PYGB: variants seen among roughly 807,000 people sequenced by gnomAD.
The protein encoded by PYGB is glycogen phosphorylase B.
In PYGB, 82 loss-of-function variants were observed where a neutral mutation model predicts 94.3. The observed-to-expected ratio is 0.87, with a 90% CI of 0.73 to 1.04. The LOEUF is 1.04. Among genes scored for constraint, PYGB ranks in the 50% least tolerant of loss-of-function variants. The pLI, the probability that PYGB is intolerant of heterozygous loss-of-function variation, is 0.00. For missense variants in PYGB, 1,132 were observed against 1,158.2 expected (o/e 0.98, Z 0.33); for synonymous variants, 488 against 479.1 (o/e 1.02, Z -0.24).
At chr20:25,270,322 C>T (rs2088256485) in intron 3 of PYGB, among the ~76,000 whole-genome samples, 1 of 151,754 alleles carries the variant, frequency 6.6e-6, no homozygotes, top group African/African-American at 2.4e-5. Flanking sequence ...CTGCCTCAGC[C>T]TCCCCAAGTA....
chr20:25,288,249 T>G (rs573895798), intron 14 of PYGB, 176 bp from the exon 15 acceptor site: 5 of 744,078 alleles, frequency 6.7e-6, no homozygotes, highest in Admixed American at 2.0e-5. Context: ...TCCTGGTGGG[T>G]GGGCAGGTGG....
intron 2 of PYGB, among the ~76,000 whole-genome samples, chr20:25,268,472 C>T (rs1474001262): frequency 2.0e-5 from 3 of 151,000 alleles, no homozygotes; most frequent in Non-Finnish European, 4.4e-5. Flanking sequence ...CATATGTATA[C>T]TTTAAAAAGG....
intron 1 of PYGB, among the ~76,000 whole-genome samples, chr20:25,250,191 A>G (rs2092883661): frequency 6.6e-6 from 1 of 152,206 alleles, no homozygotes; most frequent in African/African-American, 2.4e-5. Context: ...TGGCAAGGAC[A>G]TAGCTCTGCC....
chr20:25,249,702 T>C (rs955668511), intron 1 of PYGB, among the ~76,000 whole-genome samples: 9 of 152,224 alleles, frequency 5.9e-5, no homozygotes, highest in African/African-American at 2.2e-4. Context: ...GGGCTCTTCA[T>C]ATTTGGTATG....
At position 25,280,968 on chromosome 20, in the gene PYGB, C is replaced by T. The variant is rs202182105; in HGVS notation, c.1259C>T (p.Pro420Leu). The change falls in exon 11 of 20, where the codon CCC becomes CTC. Residue 420 changes from proline (P) to leucine (L), a missense_variant. Coordinates refer to ENST00000216962, the MANE Select transcript of PYGB (RefSeq NM_002862.4). ...CACCAGCACGTGGCCGCGCTGTTTC[C>T]CGGCGATGTGGACCGCCTGCGCAGG... ...RHLDHVAALF[P>L]GDVDRLRRMS... is the part of the protein sequence containing the mutation. The T allele has an allele frequency of 1.2e-5, 19 of 1,613,872 alleles. No homozygotes were observed. The highest frequency in any genetic ancestry group is 4.0e-5 in the African/African-American group (3 of 74,912).
At chr20:25,276,451 G>A (rs2088311389) in intron 5 of PYGB, among the ~76,000 whole-genome samples, 195 bp from the exon 6 acceptor site, 1 of 152,072 alleles carries the variant, frequency 6.6e-6, no homozygotes, top group African/African-American at 2.4e-5. Context: ...ATGACAATGT[G>A]GGCACCACAG....
At chr20:25,278,986 T>C in intron 8 of PYGB, 71 bp from the exon 9 acceptor site, 3 of 1,458,276 alleles carry the variant, frequency 2.1e-6, no homozygotes, top group Non-Finnish European at 2.8e-6. Context: ...TTGGGGAGCT[T>C]CGTATGCCAA....
At chr20:25,268,161 G>GC (rs11471520) in intron 2 of PYGB, among the ~76,000 whole-genome samples, 27,283 of 61,654 alleles carry the variant, frequency 0.44, 6,640 homozygotes, top group Non-Finnish European at 0.52. Flanking sequence ...CCTAGCACCC[G>GC]CCCCCCCCCC....
chr20:25,273,202 A>G (rs2088282012), intron 4 of PYGB, among the ~76,000 whole-genome samples: 1 of 152,226 alleles, frequency 6.6e-6, no homozygotes, highest in Non-Finnish European at 1.5e-5. Flanking sequence ...AGGGAGACTC[A>G]GGCTGCCTTT....
intron 6 of PYGB, 41 bp downstream of exon 6, chr20:25,276,798 TGGCTGGTCCCAGACACCCTCGCCCACAGC>T (rs2088316121): frequency 6.3e-7 from 1 of 1,577,384 alleles, no homozygotes; most frequent in East Asian, 2.3e-5. Context: ...TCCATGTGGG[TGGCTGGTCCCAGACACCCTCGCCCACAGC>T]CTTTACCGCG....
intron 9 of PYGB, among the ~76,000 whole-genome samples, chr20:25,279,686 C>T (rs1176403057): frequency 6.6e-6 from 1 of 151,996 alleles, no homozygotes; most frequent in Non-Finnish European, 1.5e-5. Flanking sequence ...ACAGCAAGAC[C>T]CCACCTCTAA....
At position 25,257,825 on chromosome 20, in the gene PYGB, A is replaced by G. The variant is rs541670351; in HGVS notation, c.244-1412A>G. ...GGCTCAGTATGATTTCGCACTGGTT[A>G]ATAAACCCTGCCTGGACAGTGCCTG... On this transcript the variant is annotated intron_variant, in intron 1 of 19. Coordinates refer to ENST00000216962, the MANE Select transcript of PYGB (RefSeq NM_002862.4). Among the ~76,000 whole-genome samples, 3 of 152,326 alleles carry G rather than the reference A, an allele frequency of 2.0e-5. No homozygotes were observed. In the South Asian group the frequency reaches 6.2e-4, roughly 32 times the overall value.
chr20:25,275,004 C>T (rs1197398690), intron 5 of PYGB, among the ~76,000 whole-genome samples: 3 of 152,134 alleles, frequency 2.0e-5, no homozygotes, highest in Admixed American at 6.5e-5. Context: ...TGCAGCTGGG[C>T]GTCCACTCAC....
At position 25,294,241 on chromosome 20, in the gene PYGB, A is replaced by G. The variant is rs1226570815; in HGVS notation, c.2261A>G (p.Lys754Arg). ...ATCAGCAGTGGCTTTTTTTCTCCCA[A>G]GGAGCCAGACTGCTTCAAGGACATC... ...DQISSGFFSP[K>R]EPDCFKDIVN... The change falls in exon 18 of 20, where the codon AAG becomes AGG. Residue 754 changes from lysine to arginine, a missense_variant. By Grantham distance (26) the Lys-to-Arg change is conservative. Coordinates refer to ENST00000216962, the MANE Select transcript of PYGB (RefSeq NM_002862.4). 5 of 1,558,730 alleles carry G rather than the reference A, an allele frequency of 3.2e-6. No individual in the cohort carries two copies. The highest frequency in any genetic ancestry group is 2.5e-5 in the East Asian group (1 of 40,646).
chr20:25,277,429 TG>T, intron 7 of PYGB, 103 bp downstream of exon 7: 2 of 1,133,284 alleles, frequency 1.8e-6, no homozygotes, highest in Non-Finnish European at 2.6e-6. Flanking sequence ...CTGTTGGCCT[TG>T]GCAAGCAGCC....
intron 16 of PYGB, 118 bp from the exon 17 acceptor site, chr20:25,292,288 C>A: frequency 9.2e-7 from 1 of 1,091,140 alleles, no homozygotes; most frequent in Non-Finnish European, 1.3e-6. Flanking sequence ...GGGGCCACAG[C>A]ATTGGTCCCT....
intron 2 of PYGB, among the ~76,000 whole-genome samples, chr20:25,264,736 T>C (rs1047503917): frequency 1.3e-5 from 2 of 152,214 alleles, no homozygotes; most frequent in Admixed American, 6.5e-5. Context: ...GAAGGACCTC[T>C]TCAAGGAGAA....
intron 6 of PYGB, 54 bp downstream of exon 6, chr20:25,276,811 A>C: frequency 2.0e-6 from 3 of 1,510,434 alleles, no homozygotes; most frequent in South Asian, 1.2e-5. Context: ...CTGGTCCCAG[A>C]CACCCTCGCC....
At chr20:25,270,212 T>G (rs1182237767) in intron 3 of PYGB, among the ~76,000 whole-genome samples, 5 of 149,176 alleles carry the variant, frequency 3.4e-5, no homozygotes, top group African/African-American at 1.2e-4. Flanking sequence ...TTTTGTTTTT[T>G]TTTTTTTTGA....
Sources: gnomAD v4.1 joint callset for allele counts (sites outside exome capture counted in the v4.1 genomes callset) on GRCh38, gnomAD v4.1.1 for gene constraint, MANE v1.5 for transcripts, NCBI Gene and HGNC (gene_info 2026-07-23, HGNC 2026-07-21) for gene names.